PTBP2: variants seen among roughly 807,000 people sequenced by gnomAD.
PTBP2 encodes the protein polypyrimidine tract-binding protein 2.
In PTBP2, 13 loss-of-function variants were observed where a neutral mutation model predicts 61.4. That is an observed-to-expected ratio of 0.21 (90% confidence interval 0.14 to 0.34). The LOEUF (loss-of-function observed/expected upper bound fraction) is 0.34, where lower values mean the gene tolerates loss of function less well. Among genes scored for constraint, PTBP2 ranks in the 10% least tolerant of loss-of-function variants. The pLI, the probability that PTBP2 is intolerant of heterozygous loss-of-function variation, is 1.00. For synonymous variants in PTBP2, 215 were observed against 218.5 expected (o/e 0.98, Z 0.14); for missense variants, 405 against 642.6 (o/e 0.63, Z 4.00).
At chr1:96,818,725 A>C (rs909002680), downstream of PTBP2, 1 of 152,132 alleles carries the variant, frequency 6.6e-6, no homozygotes, top group African/African-American at 2.4e-5. Flanking sequence ...TGAGTGTGGA[A>C]ATTATTTCAT....
At chr1:96,781,049 T>A (rs551001458) in intron 7 of PTBP2, among the ~76,000 whole-genome samples, 5 of 152,156 alleles carry the variant, frequency 3.3e-5, no homozygotes, top group Admixed American at 1.3e-4. Flanking sequence ...CTCAAGGTAG[T>A]AGTGTGTGTC....
intron 8 of PTBP2, among the ~76,000 whole-genome samples, chr1:96,798,729 A>T (rs1660646940): frequency 6.6e-6 from 1 of 152,168 alleles, no homozygotes; most frequent in Admixed American, 6.6e-5. Context: ...ACTTTTGTTG[A>T]TTTATCGATA....
downstream of PTBP2, chr1:96,817,297 G>GT (rs1480734724): frequency 7.2e-5 from 11 of 151,936 alleles, no homozygotes; most frequent in Admixed American, 2.6e-4. Context: ...ATCTGAAAAC[G>GT]TTTTTTTCAT....
At chr1:96,806,025 T>C (rs1661467567) in intron 9 of PTBP2, among the ~76,000 whole-genome samples, 1 of 152,222 alleles carries the variant, frequency 6.6e-6, no homozygotes, top group Admixed American at 6.5e-5. Flanking sequence ...ATTTCCTATG[T>C]ACTGACCTAT....
chr1:96,787,322 G>T (rs1297268355), intron 8 of PTBP2, among the ~76,000 whole-genome samples: 3 of 152,094 alleles, frequency 2.0e-5, no homozygotes, highest in Admixed American at 6.5e-5. Context: ...ATGCCTGGCC[G>T]CTTTTGTTCA....
At chr1:96,770,574 G>A (rs3762409) in intron 4 of PTBP2, 134 bp from the exon 5 acceptor site, 444,494 of 825,258 alleles carry the variant, frequency 0.54, 122,028 homozygotes, top group African/African-American at 0.71. Flanking sequence ...TTCTAATTCT[G>A]CTTATCAGAA....
At chr1:96,806,390 A>G in intron 9 of PTBP2, 29 bp from the exon 10 acceptor site, 1 of 1,514,920 alleles carries the variant, frequency 6.6e-7, no homozygotes, top group East Asian at 2.3e-5. Context: ...TTCTTGTCTT[A>G]CGCTGCTTGC....
chr1:96,741,581 C>T (rs191154426), intron 2 of PTBP2, among the ~76,000 whole-genome samples: 1 of 151,364 alleles, frequency 6.6e-6, no homozygotes, highest in Admixed American at 6.6e-5. Context: ...AGTTACATGT[C>T]CTACAGATAA....
intron 7 of PTBP2, among the ~76,000 whole-genome samples, chr1:96,783,719 C>G (rs1658934191): frequency 6.6e-6 from 1 of 152,038 alleles, no homozygotes; most frequent in Non-Finnish European, 1.5e-5. Flanking sequence ...TATAGGAATG[C>G]TACATTAGTA....
At chr1:96,820,190 C>G (rs1406639096) in exon 14 of PTBP2, 1 of 151,706 alleles carries the variant, frequency 6.6e-6, no homozygotes, top group Non-Finnish European at 1.5e-5. Flanking sequence ...AGTAGTTTTT[C>G]TTTTCCTCTA....
chr1:96,805,103 G>T (rs1404083061), intron 9 of PTBP2, among the ~76,000 whole-genome samples, 164 bp downstream of exon 9: 1 of 151,626 alleles, frequency 6.6e-6, no homozygotes, highest in East Asian at 1.9e-4. Context: ...TATTGTTTAG[G>T]TAATACTTTA....
At chr1:96,783,921 T>C (rs1658953036) in intron 7 of PTBP2, among the ~76,000 whole-genome samples, 1 of 152,100 alleles carries the variant, frequency 6.6e-6, no homozygotes, top group African/African-American at 2.4e-5. Flanking sequence ...ACCAGTGCTG[T>C]ATTGAAGTGG....
rs1461384162 is a variant in PTBP2, at chr1:96,814,966, A to G, written c.*1561A>G. On this transcript the variant is annotated 3_prime_UTR_variant, in exon 14 of 14. Coordinates refer to ENST00000674951, the MANE Select transcript of PTBP2 (RefSeq NM_021190.4). ...CCACTGTGCTTCTGAATTCATGTTT[A>G]TTCTCTGCCAGGGTGGGAAAGGAGT... The G allele has an allele frequency of 2.0e-5, 3 of 152,032 alleles. No individual in the cohort carries two copies. The highest frequency in any genetic ancestry group is 1.9e-4 in the East Asian group (1 of 5,180). 9.4% of individuals were successfully genotyped at this position (152,032 alleles called of 1,614,324 possible). A position where few individuals can be genotyped will look rare whatever the true frequency, so the allele number is the denominator to read the frequency against.
intron 3 of PTBP2, among the ~76,000 whole-genome samples, chr1:96,757,167 A>G (rs909826922): frequency 2.0e-5 from 3 of 152,228 alleles, no homozygotes; most frequent in African/African-American, 7.2e-5. Flanking sequence ...TTAAAAGACA[A>G]AGATTGTCAG....
At chr1:96,803,071 T>C (rs1661182035) in intron 8 of PTBP2, among the ~76,000 whole-genome samples, 3 of 152,130 alleles carry the variant, frequency 2.0e-5, no homozygotes, top group Non-Finnish European at 2.9e-5. Flanking sequence ...GAACAACTTA[T>C]GGGGAGGATA....
intron 3 of PTBP2, among the ~76,000 whole-genome samples, chr1:96,761,490 A>T (rs1655863515): frequency 6.6e-6 from 1 of 152,074 alleles, no homozygotes; most frequent in Admixed American, 6.6e-5. Context: ...TAGTTTTAAA[A>T]CATTACGGTA....
At chr1:96,774,341 A>T (rs1657776444) in intron 5 of PTBP2, among the ~76,000 whole-genome samples, 1 of 151,924 alleles carries the variant, frequency 6.6e-6, no homozygotes, top group Non-Finnish European at 1.5e-5. Context: ...CCAGTATAAC[A>T]CCTGTTTGCT....
chr1:96,802,242 A>G (rs1661092255), intron 8 of PTBP2, among the ~76,000 whole-genome samples: 1 of 149,072 alleles, frequency 6.7e-6, no homozygotes, highest in South Asian at 2.1e-4. Context: ...AAGAACCCAC[A>G]TTAACAAAAA....
downstream of PTBP2, chr1:96,817,990 T>A (rs1239195698): frequency 6.6e-6 from 1 of 152,100 alleles, no homozygotes; most frequent in Non-Finnish European, 1.5e-5. Flanking sequence ...AAATTGTGTT[T>A]AAGAAATAAG....
Sources: allele counts gnomAD v4.1 joint callset (sites outside exome capture counted in the v4.1 genomes callset), GRCh38; gene constraint gnomAD v4.1.1; transcripts MANE v1.5; gene names NCBI Gene and HGNC (gene_info 2026-07-23, HGNC 2026-07-21).